Variants in CACNA1C observed in about 807,000 individuals in gnomAD.
CACNA1C encodes the protein calcium voltage-gated channel subunit alpha1 C.
CACNA1C carries 30 observed loss-of-function variants against 229.0 expected under a neutral mutation model. The observed-to-expected ratio is 0.13, with a 90% CI of 0.10 to 0.18. The LOEUF (loss-of-function observed/expected upper bound fraction) is 0.18. Ranked by LOEUF, CACNA1C falls within the 10% of genes least tolerant of loss-of-function variation. The pLI, the probability that CACNA1C is intolerant of heterozygous loss-of-function variation, is 1.00. For missense variants in CACNA1C, 1,658 were observed against 2,845.0 expected (o/e 0.58, Z 9.49); for synonymous variants, 1,114 against 1,132.5 (o/e 0.98, Z 0.33).
At chr12:2,246,444 A>T (rs2073260613) in intron 3 of CACNA1C, among the ~76,000 whole-genome samples, 1 of 152,032 alleles carries the variant, frequency 6.6e-6, no homozygotes, top group African/African-American at 2.4e-5. Context: ...TCCTTATCCC[A>T]CTGAGCCATG....
chr12:2,001,037 C>CAA (rs55946150), intron 1 of CACNA1C, among the ~76,000 whole-genome samples: 4 of 124,334 alleles, frequency 3.2e-5, no homozygotes, highest in Non-Finnish European at 7.0e-5. Flanking sequence ...GACTTCGTCT[C>CAA]AAAAAAAAAA....
chr12:2,317,787 C>T (rs1334291343), intron 3 of CACNA1C, among the ~76,000 whole-genome samples: 2 of 152,074 alleles, frequency 1.3e-5, no homozygotes, highest in African/African-American at 2.4e-5. Flanking sequence ...GCTCTGGTGG[C>T]GATTGGATGT....
chr12:2,677,532 T>A lies in CACNA1C; in HGVS notation c.4957-201T>A. ...CCCCGTCCTAATGAGCCTTCATCCC[T>A]CCTGGATGGGCGAGTGGATTGTTCC... On this transcript the variant is annotated intron_variant, in intron 40 of 46. Transcript: ENST00000399655. The surrounding 1 kb of genome is among the most constrained non-coding windows in gnomAD (Gnocchi z 7.4). The A allele has an allele frequency of 1.5e-6, 1 of 656,246 alleles. No individual in the cohort carries two copies. The highest frequency in any genetic ancestry group is 1.9e-5 in the South Asian group (1 of 51,352). 40.7% of individuals were successfully genotyped at this position (656,246 alleles called of 1,614,324 possible).
chr12:2,083,747 A>G (rs145490584), intron 1 of CACNA1C, among the ~76,000 whole-genome samples: 97 of 152,348 alleles, frequency 6.4e-4, no homozygotes, highest in African/African-American at 2.2e-3. Context: ...TTTCAGTGCC[A>G]AGAACCACAA....
intron 9 of CACNA1C, among the ~76,000 whole-genome samples, chr12:2,532,091 C>T (rs975447614): frequency 2.6e-5 from 4 of 152,228 alleles, no homozygotes; most frequent in Non-Finnish European, 5.9e-5. Flanking sequence ...TGGTTAATTA[C>T]TCACACTAAT....
intron 9 of CACNA1C, among the ~76,000 whole-genome samples, chr12:2,525,929 C>G (rs1403837249): frequency 1.3e-5 from 2 of 152,146 alleles, no homozygotes; most frequent in Admixed American, 1.3e-4. Flanking sequence ...AGAACTGAAG[C>G]CTTGCCAGAA....
At chr12:1,984,380 C>G (rs2037044808) in intron 1 of CACNA1C, among the ~76,000 whole-genome samples, 1 of 151,886 alleles carries the variant, frequency 6.6e-6, no homozygotes, top group Non-Finnish European at 1.5e-5. Flanking sequence ...GGTGATATCT[C>G]TATATTTCTT....
chr12:2,394,125 A>AG, intron 3 of CACNA1C, among the ~76,000 whole-genome samples: 1 of 147,370 alleles, frequency 6.8e-6, no homozygotes, highest in African/African-American at 2.5e-5. Flanking sequence ...AAAAAAAAAA[A>AG]GGAAAAGGAG....
chr12:2,284,511 T>C (rs2092293693), intron 3 of CACNA1C, among the ~76,000 whole-genome samples: 2 of 152,164 alleles, frequency 1.3e-5, no homozygotes, highest in South Asian at 4.1e-4. Flanking sequence ...CAGGCGGGCA[T>C]ACTGCCCGCT....
In CACNA1C at chr12:2,082,831, A is replaced by G. The variant is rs1454595312; in HGVS notation, c.49+29220A>G. Among the ~76,000 whole-genome samples the G allele has an allele frequency of 6.6e-5, 10 of 152,166 alleles. No homozygotes were observed. The East Asian group carries it at 1.5e-3, about 23-fold the overall frequency. On this transcript the variant is annotated intron_variant, in intron 1 of 46. Transcript: ENST00000399655. The stretch of plus-strand genomic sequence containing the variant: ...ATTCAGTTTCCTATATTTTCAACAA[A>G]ACGCCTATCTCTGCTCAAGTCTACT...
chr12:2,537,521 C>T (rs73046287), intron 9 of CACNA1C, among the ~76,000 whole-genome samples: 3,187 of 152,278 alleles, frequency 0.021, 57 homozygotes, highest in Middle Eastern at 0.068. Context: ...GGAGACAAGG[C>T]CTTAAAATCA....
chr12:2,077,706 G>A (rs2063743184), intron 1 of CACNA1C, among the ~76,000 whole-genome samples: 1 of 152,166 alleles, frequency 6.6e-6, no homozygotes, highest in South Asian at 2.1e-4. Flanking sequence ...GGGGGAGCTG[G>A]AATGGAACCC....
rs182807312 is a variant in CACNA1C at position 2,452,429 on chromosome 12, G to A, written c.617+3314G>A. ...TCCCTACCTCCCTAGCAGGGTGGAG[G>A]CCCTGCCTTTCCCATTCTCTGGGCC... is the stretch of plus-strand genomic sequence containing the variant. On this transcript the variant is annotated intron_variant, in intron 4 of 46. Coordinates refer to ENST00000399655, the MANE Select transcript of CACNA1C (RefSeq NM_000719.7). Among the ~76,000 whole-genome samples the A allele has an allele frequency of 3.9e-5, 6 of 152,252 alleles. No individual in the cohort carries two copies. In the East Asian group the frequency reaches 1.2e-3, roughly 29 times the overall value.
At chr12:1,993,506 TA>T in intron 1 of CACNA1C, 1 of 1,294,868 alleles carries the variant, frequency 7.7e-7, no homozygotes, top group African/African-American at 1.5e-5. Context: ...TATGCAGCTT[TA>T]TATAAGCAGC....
chr12:2,665,749 G>A lies in CACNA1C; in HGVS notation c.4526+41G>A, dbSNP rs561343493. ...GAAATCCTGATTCCCCAAGCTGAGA[G>A]AGGGTATAGCTGACCATACCTGCAG... On this transcript the variant is annotated intron_variant, in intron 36 of 46. Transcript: ENST00000399655. This position sits in a 1 kb window ranked among gnomAD's most constrained non-coding sequence, Gnocchi z 5.9. 8.8e-6 allele frequency: 14 copies of A among 1,596,628 alleles called. No homozygotes were observed. The South Asian group carries it at 9.0e-5, about 10-fold the overall frequency.
At chr12:2,050,476 T>C (rs894984586), upstream of CACNA1C, among the ~76,000 whole-genome samples, 3 of 152,226 alleles carry the variant, frequency 2.0e-5, no homozygotes, top group African/African-American at 7.2e-5. Flanking sequence ...TAGCTATTAT[T>C]ATTATTCCTG....
At chr12:2,462,290 C>T (rs1302006525) in intron 5 of CACNA1C, among the ~76,000 whole-genome samples, 1 of 148,726 alleles carries the variant, frequency 6.7e-6, no homozygotes, top group Non-Finnish European at 1.5e-5. Flanking sequence ...CCTCGGCACC[C>T]CCTCGGCTCA....
chr12:2,407,286 T>C (rs557879072), intron 3 of CACNA1C, among the ~76,000 whole-genome samples: 1 of 152,226 alleles, frequency 6.6e-6, no homozygotes, highest in Non-Finnish European at 1.5e-5. Context: ...ATGTGGGTAC[T>C]GGGGAGCCTC....
intron 3 of CACNA1C, chr12:2,222,086 C>T (rs2061606344): frequency 6.6e-6 from 1 of 152,132 alleles, no homozygotes; most frequent in African/African-American, 2.4e-5. Context: ...AACAAAATTA[C>T]AAATTATTTT....
Sources: gnomAD v4.1 joint callset for allele counts (sites outside exome capture counted in the v4.1 genomes callset) on GRCh38, gnomAD v4.1.1 for gene constraint, Gnocchi (gnomAD v3.1) non-coding constraint, MANE v1.5 for transcripts, NCBI Gene and HGNC (gene_info 2026-07-23, HGNC 2026-07-21) for gene names.